The following FRMD4A variants were observed in gnomAD, a reference collection of about 807,000 sequenced individuals.
The protein encoded by FRMD4A is FERM domain-containing protein 4A.
Under a neutral mutation model 129.1 loss-of-function variants are expected in FRMD4A, and 29 were observed. The ratio of observed to expected loss-of-function variants is 0.22; its 90% confidence interval spans 0.17 to 0.31. The LOEUF (loss-of-function observed/expected upper bound fraction) is 0.31, where lower values mean the gene tolerates loss of function less well. FRMD4A is among the 10% of genes least tolerant of loss of function. The pLI is 1.00. For missense variants in FRMD4A, 1,272 were observed against 1,375.8 expected, an observed-to-expected ratio of 0.92 and a Z score of 1.19; for synonymous variants, 634 against 571.6, an observed-to-expected ratio of 1.11 and a Z score of -1.56.
At chr10:14,303,166 T>C (rs570380755) in intron 2 of FRMD4A, among the ~76,000 whole-genome samples, 12 of 152,312 alleles carry the variant, frequency 7.9e-5, no homozygotes, top group African/African-American at 2.2e-4. Context: ...AACTTGAGTA[T>C]TGGCAATTTT....
At chr10:13,672,114 C>T (rs1472938946) in intron 16 of FRMD4A, among the ~76,000 whole-genome samples, 1 of 152,206 alleles carries the variant, frequency 6.6e-6, no homozygotes, top group African/African-American at 2.4e-5. Context: ...TGCGTGTGTA[C>T]ATGTGTACAC....
intron 2 of FRMD4A, among the ~76,000 whole-genome samples, chr10:13,985,017 C>A (rs576009125): frequency 2.4e-4 from 37 of 152,250 alleles, no homozygotes; most frequent in African/African-American, 8.9e-4. Context: ...CAGGCAGGGA[C>A]GCTGCCCACA....
chr10:13,672,266 ACT>A (rs1385714552), intron 16 of FRMD4A, among the ~76,000 whole-genome samples: 2 of 151,572 alleles, frequency 1.3e-5, no homozygotes, highest in Non-Finnish European at 2.9e-5. Context: ...TGAGTATCAG[ACT>A]CTGCAATTTT....
chr10:14,320,278 T>C (rs1846924765), intron 2 of FRMD4A, among the ~76,000 whole-genome samples: 1 of 152,198 alleles, frequency 6.6e-6, no homozygotes, highest in South Asian at 2.1e-4. Context: ...CCCAAGAGCA[T>C]TTGCAATGTC....
intron 12 of FRMD4A, chr10:13,707,867 C>G (rs1196934033): frequency 1.0e-6 from 1 of 985,294 alleles, no homozygotes; most frequent in East Asian, 1.1e-4. Context: ...GGCGGTCATT[C>G]CTCCTTCGGA....
chr10:13,749,613 C>T (rs1365284492), intron 8 of FRMD4A, among the ~76,000 whole-genome samples: 1 of 152,150 alleles, frequency 6.6e-6, no homozygotes, highest in African/African-American at 2.4e-5. Context: ...TAATACATTA[C>T]GTCTGTGTGT....
At chr10:14,086,247 G>A (rs1367308471) in intron 2 of FRMD4A, among the ~76,000 whole-genome samples, 1 of 152,028 alleles carries the variant, frequency 6.6e-6, no homozygotes, top group Non-Finnish European at 1.5e-5. Flanking sequence ...TTCTACCCTG[G>A]TAATAAAAAA....
intron 2 of FRMD4A, among the ~76,000 whole-genome samples, chr10:14,185,669 T>C (rs890358505): frequency 1.3e-5 from 2 of 152,054 alleles, no homozygotes; most frequent in African/African-American, 4.8e-5. Context: ...GCTGTGCAGA[T>C]GAGCAGAAGA....
At chr10:14,083,523 A>T (rs1836057077) in intron 2 of FRMD4A, 7 of 152,410 alleles carry the variant, frequency 4.6e-5, no homozygotes. Flanking sequence ...GATAAAGGGA[A>T]CTGAGTCCTT....
At chr10:13,663,690 G>C (rs539522569) in intron 18 of FRMD4A, among the ~76,000 whole-genome samples, 181 bp from the exon 19 acceptor site, 1 of 152,262 alleles carries the variant, frequency 6.6e-6, no homozygotes, top group South Asian at 2.1e-4. Context: ...GTGGGTCATT[G>C]GCTCAGCCTC....
At chr10:14,018,641 T>C (rs141380306) in intron 2 of FRMD4A, among the ~76,000 whole-genome samples, 1 of 152,102 alleles carries the variant, frequency 6.6e-6, no homozygotes, top group East Asian at 1.9e-4. Flanking sequence ...AATGGTAGAA[T>C]GAAGAACCAA....
intron 2 of FRMD4A, among the ~76,000 whole-genome samples, chr10:14,185,325 T>C (rs1469534596): frequency 6.6e-6 from 1 of 152,228 alleles, no homozygotes; most frequent in Non-Finnish European, 1.5e-5. Flanking sequence ...CTTTCATTTT[T>C]TCATTTAGTT....
intron 2 of FRMD4A, among the ~76,000 whole-genome samples, chr10:13,900,870 C>T (rs1345316031): frequency 6.6e-6 from 1 of 152,064 alleles, no homozygotes; most frequent in Non-Finnish European, 1.5e-5. Context: ...GTACTCCAGC[C>T]TGGGCGACAG....
At chr10:13,751,979 G>C (rs932613381) in intron 8 of FRMD4A, among the ~76,000 whole-genome samples, 1 of 152,100 alleles carries the variant, frequency 6.6e-6, no homozygotes, top group African/African-American at 2.4e-5. Context: ...CCATGCCACT[G>C]TTCTCCAGCC....
intron 3 of FRMD4A, among the ~76,000 whole-genome samples, chr10:13,851,707 C>T (rs1245009791): frequency 6.6e-6 from 1 of 151,956 alleles, no homozygotes; most frequent in Non-Finnish European, 1.5e-5. Context: ...TGAGACTGTC[C>T]TGGCCAACAT....
chr10:14,306,602 T>C (rs7917440), intron 2 of FRMD4A, among the ~76,000 whole-genome samples: 2,640 of 152,288 alleles, frequency 0.017, 65 homozygotes, highest in African/African-American at 0.06. Context: ...ATTTTCTCCA[T>C]GGAAAAGAGT....
chr10:13,660,846 A>G (rs939604565), intron 19 of FRMD4A, among the ~76,000 whole-genome samples: 7 of 152,196 alleles, frequency 4.6e-5, no homozygotes, highest in African/African-American at 1.7e-4. Context: ...AAATACCACC[A>G]ACAAATGACT....
chr10:14,155,777 A>G (rs1399922849), intron 2 of FRMD4A, among the ~76,000 whole-genome samples: 1 of 152,236 alleles, frequency 6.6e-6, no homozygotes, highest in Non-Finnish European at 1.5e-5. Flanking sequence ...AAAGCCATCA[A>G]GTAATCTCTC....
intron 2 of FRMD4A, among the ~76,000 whole-genome samples, chr10:14,254,721 A>G (rs1844551676): frequency 6.6e-6 from 1 of 152,124 alleles, no homozygotes; most frequent in East Asian, 1.9e-4. Flanking sequence ...CAATTTTCAA[A>G]GCATTTCTTT....
Sources: allele counts gnomAD v4.1 joint callset (sites outside exome capture counted in the v4.1 genomes callset), GRCh38; gene constraint gnomAD v4.1.1; transcripts MANE v1.5; gene names NCBI Gene and HGNC (gene_info 2026-07-23, HGNC 2026-07-21).